SYT6: variants seen among roughly 807,000 people sequenced by gnomAD.
SYT6 encodes synaptotagmin-6.
Under a neutral mutation model 38.4 loss-of-function variants are expected in SYT6, and 24 were observed. The observed-to-expected ratio is 0.62, with a 90% CI of 0.45 to 0.88. The LOEUF (loss-of-function observed/expected upper bound fraction) is 0.88. Among genes scored for constraint, SYT6 ranks in the 40% least tolerant of loss-of-function variants. SYT6 has a pLI of 0.00. For missense variants in SYT6, 611 were observed against 621.0 expected, an observed-to-expected ratio of 0.98 and a Z score of 0.17; for synonymous variants, 265 against 241.9, an observed-to-expected ratio of 1.10 and a Z score of -0.89.
At chr1:114,135,699 A>G (rs1427463136) in intron 3 of SYT6, among the ~76,000 whole-genome samples, 3 of 152,190 alleles carry the variant, frequency 2.0e-5, no homozygotes, top group African/African-American at 7.2e-5. Context: ...TGAGGCTTCC[A>G]TTCATGCCTG....
rs967943827 is a variant in SYT6 at position 114,153,722 on chromosome 1, C to A, written c.51G>T (p.Ala17=). ...AGGPRCQEAL[A]VLASLCRARP... ...GGGCCCGGCACAGCGAGGCGAGGAC[C>A]GCGAGCGCCTCCTGGCACCGAGGCC... Residue 17 remains alanine (A), a synonymous_variant, in exon 1 of 8, where the codon GCG becomes GCT. Transcript: ENST00000610222. 5 of 682,760 alleles carry A rather than the reference C, an allele frequency of 7.3e-6. No homozygotes were observed. The highest frequency in any genetic ancestry group is 2.1e-5 in the Admixed American group (1 of 47,896). The allele number at this position is 682,760 out of a possible 1,614,324, so 42.3% of individuals were successfully genotyped here.
At position 114,138,030 on chromosome 1, in the gene SYT6, A is replaced by C. The variant is rs1678611651; in HGVS notation, c.536T>G (p.Leu179Arg). ...ACTGGAGACATGCATCTGCCTTGGC[A>C]GGTGGCGCTTGAAGGACGTGTGCCT... ...STRHTSFKRH[L>R]PRQMHVSSVD... The change falls in exon 3 of 8, where the codon CTG becomes CGG. Residue 179 changes from leucine to arginine, a missense_variant. Transcript: ENST00000610222. 6.2e-7 allele frequency: 1 copy of C among 1,613,652 alleles called. No homozygotes were observed. Among genetic ancestry groups the C allele is most frequent in the Non-Finnish European group, 8.5e-7 (1 of 1,179,914 alleles).
chr1:114,113,260 T>C (rs1201574367), intron 3 of SYT6, among the ~76,000 whole-genome samples: 2 of 152,334 alleles, frequency 1.3e-5, no homozygotes, highest in East Asian at 3.9e-4. Context: ...CTTCCGGTTC[T>C]TCTCCCACCT....
chr1:114,128,212 TG>T (rs1677857670), intron 3 of SYT6, among the ~76,000 whole-genome samples: 1 of 152,228 alleles, frequency 6.6e-6, no homozygotes, highest in Non-Finnish European at 1.5e-5. Context: ...TTTGCCCTGC[TG>T]GCCTCTTTCA....
intron 4 of SYT6, among the ~76,000 whole-genome samples, chr1:114,100,006 A>G (rs759040687): frequency 2.0e-5 from 3 of 152,056 alleles, no homozygotes; most frequent in African/African-American, 2.4e-5. Context: ...TTCCTTTCTC[A>G]GTGGGATCTT....
In SYT6 at chr1:114,153,784, C is replaced by T. The variant is rs532047075; in HGVS notation, c.-12G>A. 430 of 658,068 alleles carry T rather than the reference C, an allele frequency of 6.5e-4. No homozygotes were observed. Among genetic ancestry groups the T allele is most frequent in the Non-Finnish European group, 1.0e-3 (367 of 367,902 alleles). The allele number at this position is 658,068 out of a possible 1,614,324, so 40.8% of individuals were successfully genotyped here. A position where few individuals can be genotyped will look rare whatever the true frequency, so the allele number is the denominator to read the frequency against. The stretch of plus-strand genomic sequence containing the variant: ...CACACTCCGCTCATGCCCTAGACAC[C>T]CAGGCTTGCCGAGCAGCAGCTCGAA... On this transcript the variant is annotated 5_prime_UTR_variant, in exon 1 of 8. Transcript: ENST00000610222.
At chr1:114,118,297 G>A (rs17032359) in intron 3 of SYT6, among the ~76,000 whole-genome samples, 3,528 of 152,318 alleles carry the variant, frequency 0.023, 160 homozygotes, top group African/African-American at 0.08. Context: ...GCCAGAGCCA[G>A]CTAATGTCTC....
chr1:114,100,241 G>A (rs1159772496), intron 4 of SYT6, among the ~76,000 whole-genome samples: 3 of 152,164 alleles, frequency 2.0e-5, no homozygotes, highest in Non-Finnish European at 4.4e-5. Context: ...TGGGAGGGCG[G>A]CTCACAGGTA....
At chr1:114,097,918 T>A (rs1675736460) in intron 5 of SYT6, 41 bp from the exon 6 acceptor site, 1 of 1,608,122 alleles carries the variant, frequency 6.2e-7, no homozygotes, top group South Asian at 1.1e-5. Flanking sequence ...CTACCAGACA[T>A]GCCCTCAGAA....
At chr1:114,133,423 G>A (rs1457675636) in intron 3 of SYT6, among the ~76,000 whole-genome samples, 4 of 152,320 alleles carry the variant, frequency 2.6e-5, no homozygotes. Flanking sequence ...GGTGACGGCA[G>A]CTCTATTATA....
chr1:114,153,586 AG>A (rs1232346768), intron 1 of SYT6, 23 bp downstream of exon 1: 1 of 582,570 alleles, frequency 1.7e-6, no homozygotes. Flanking sequence ...CCAGGAAGGG[AG>A]GGGGCCCTGG....
At chr1:114,109,281 G>C (rs1353849745) in intron 3 of SYT6, among the ~76,000 whole-genome samples, 1 of 152,192 alleles carries the variant, frequency 6.6e-6, no homozygotes, top group Non-Finnish European at 1.5e-5. Flanking sequence ...TATGCTCTTT[G>C]AAGGCACGAA....
At chr1:114,119,273 CCT>C (rs1418343862) in intron 3 of SYT6, among the ~76,000 whole-genome samples, 1 of 152,130 alleles carries the variant, frequency 6.6e-6, no homozygotes, top group East Asian at 1.9e-4. Flanking sequence ...AGCTGGAATC[CCT>C]TTCTCTTACT....
At chr1:114,152,325 A>G (rs777146176) in intron 1 of SYT6, 152 of 152,420 alleles carry the variant, frequency 1.0e-3, no homozygotes, top group Admixed American at 2.0e-3. Context: ...CCAGCGGTGC[A>G]GAGCCACTGA....
At chr1:114,138,135 C>T (rs1678622461) in intron 2 of SYT6, 82 bp from the exon 3 acceptor site, 1 of 1,356,288 alleles carries the variant, frequency 7.4e-7, no homozygotes, top group Non-Finnish European at 1.0e-6. Flanking sequence ...AGCCTGGAGG[C>T]CCTGGCTCAT....
At chr1:114,129,576 C>CT (rs1330810991) in intron 3 of SYT6, among the ~76,000 whole-genome samples, 1 of 97,794 alleles carries the variant, frequency 1.0e-5, no homozygotes, top group Admixed American at 1.2e-4. Context: ...TTCTTTCTTT[C>CT]TTTCTTTCTT....
At chr1:114,138,094 G>C in intron 2 of SYT6, 41 bp from the exon 3 acceptor site, 1 of 1,573,426 alleles carries the variant, frequency 6.4e-7, no homozygotes, top group Non-Finnish European at 8.6e-7. Context: ...TGTGGTCAGG[G>C]CTCAGGGGAA....
intron 7 of SYT6, among the ~76,000 whole-genome samples, chr1:114,093,125 A>AGCT (rs1675421198): frequency 6.6e-6 from 1 of 152,148 alleles, no homozygotes; most frequent in African/African-American, 2.4e-5. Flanking sequence ...AGCTGCTACT[A>AGCT]TGCATCATGC....
chr1:114,149,330 G>A (rs1417128165), intron 1 of SYT6, among the ~76,000 whole-genome samples: 1 of 138,228 alleles, frequency 7.2e-6, no homozygotes, highest in African/African-American at 2.8e-5. Flanking sequence ...AGTTTATTAG[G>A]AGAACCGGTG....
Sources: allele counts gnomAD v4.1 joint callset (sites outside exome capture counted in the v4.1 genomes callset), GRCh38; gene constraint gnomAD v4.1.1; transcripts MANE v1.5; gene names NCBI Gene and HGNC (gene_info 2026-07-23, HGNC 2026-07-21).